The following ADAMTS13 variants were observed in gnomAD, a reference collection of about 807,000 sequenced individuals.
ADAMTS13 encodes the protein A disintegrin and metalloproteinase with thrombospondin motifs 13.
In ADAMTS13, 110 loss-of-function variants were observed where a neutral mutation model predicts 155.1. That is an observed-to-expected ratio of 0.71 (90% confidence interval 0.61 to 0.83). ADAMTS13 has a LOEUF of 0.83. ADAMTS13 is among the 40% of genes least tolerant of loss of function. The pLI is 0.00. For missense variants in ADAMTS13, 1,707 were observed against 1,891.7 expected (o/e 0.90, Z 1.81); for synonymous variants, 758 against 756.4 (o/e 1.00, Z -0.03).
At chr9:133,429,314 C>T (rs1840543438) in intron 7 of ADAMTS13, among the ~76,000 whole-genome samples, 1 of 145,108 alleles carries the variant, frequency 6.9e-6, no homozygotes, top group Admixed American at 6.8e-5. Flanking sequence ...TCCCTCGCCC[C>T]CTTGCGCCCA....
At chr9:133,432,409 C>T (rs1169307499) in intron 8 of ADAMTS13, among the ~76,000 whole-genome samples, 179 bp from the exon 9 acceptor site, 1 of 152,236 alleles carries the variant, frequency 6.6e-6, no homozygotes, top group Admixed American at 6.5e-5. Flanking sequence ...TGGTCATGGT[C>T]CCGGTTCCCC....
At chr9:133,417,422 ATTCT>A (rs1335035667), upstream of ADAMTS13, among the ~76,000 whole-genome samples, 1 of 152,240 alleles carries the variant, frequency 6.6e-6, no homozygotes, top group African/African-American at 2.4e-5. Context: ...ACTTGAAATA[ATTCT>A]TTCATCAATT....
intron 8 of ADAMTS13, among the ~76,000 whole-genome samples, chr9:133,431,073 C>T (rs587714967): frequency 6.6e-6 from 1 of 151,918 alleles, no homozygotes; most frequent in South Asian, 2.1e-4. Flanking sequence ...ACAAACGATC[C>T]TCCCACCTCG....
At chr9:133,442,825 G>A (rs1841777171) in intron 18 of ADAMTS13, 82 bp downstream of exon 18, 1 of 1,509,852 alleles carries the variant, frequency 6.6e-7, no homozygotes, top group African/African-American at 1.4e-5. Flanking sequence ...TGGCCTATGG[G>A]GCCCATGTGG....
At chr9:133,457,685 T>C (rs1339234686) in intron 27 of ADAMTS13, among the ~76,000 whole-genome samples, 1 of 152,244 alleles carries the variant, frequency 6.6e-6, no homozygotes, top group East Asian at 1.9e-4. Context: ...ATGCCATTGT[T>C]TCCTTCAGTT....
intron 6 of ADAMTS13, among the ~76,000 whole-genome samples, chr9:133,426,899 G>A (rs1840319501): frequency 6.6e-6 from 1 of 151,966 alleles, no homozygotes. Context: ...CACCTCCTGG[G>A]TGCAAGTGAT....
rs587769625 is a variant in ADAMTS13 at position 133,425,390 on chromosome 9, C to A, written c.331-139C>A. The A allele has an allele frequency of 4.3e-6, 3 of 690,444 alleles. No homozygotes were observed. The highest frequency in any genetic ancestry group is 7.4e-6 in the Non-Finnish European group (3 of 403,634). The allele number at this position is 690,444 out of a possible 1,614,324, so 42.8% of individuals were successfully genotyped here. ...TGTGCAGCACATTTTAGGAGCCCCCCGCCCCGCCCGGTTCCCACACATGCT... is the reference window on the plus strand; with the variant it reads ...TGTGCAGCACATTTTAGGAGCCCCCAGCCCCGCCCGGTTCCCACACATGCT... On this transcript the variant is annotated intron_variant, in intron 3 of 28. Coordinates refer to ENST00000355699, the MANE Select transcript of ADAMTS13 (RefSeq NM_139027.6). This position sits in a 1 kb window ranked among gnomAD's most constrained non-coding sequence, Gnocchi z 4.6.
upstream of ADAMTS13, chr9:133,417,991 A>T (rs1839782530): frequency 4.2e-6 from 3 of 707,064 alleles, no homozygotes; most frequent in East Asian, 5.4e-5. Flanking sequence ...TCCGGAAGAG[A>T]CCCCGCACGC....
Position 133,454,745 on chromosome 9 carries a change from G to T in ADAMTS13, c.3249+126G>T, listed in dbSNP as rs933688955. ...CCCCTGAAAGGAAGGAGAGAGCTGC[G>T]CCCGTTGGTGAGGGGGCACCTAGAG... On this transcript the variant is annotated intron_variant, in intron 24 of 28. Coordinates refer to ENST00000355699, the MANE Select transcript of ADAMTS13 (RefSeq NM_139027.6). 39 of 1,240,052 alleles carry T rather than the reference G, an allele frequency of 3.1e-5. 1 individual carries two copies. The South Asian group carries it at 5.4e-4, about 17-fold the overall frequency. 76.8% of individuals were successfully genotyped at this position (1,240,052 alleles called of 1,614,324 possible).
At chr9:133,420,528 A>G (rs1839912654), upstream of ADAMTS13, among the ~76,000 whole-genome samples, 1 of 152,254 alleles carries the variant, frequency 6.6e-6, no homozygotes, top group Non-Finnish European at 1.5e-5. Context: ...TATGCAAATG[A>G]GGAAGGCACA....
intron 21 of ADAMTS13, among the ~76,000 whole-genome samples, chr9:133,446,515 T>C (rs2130897850): frequency 6.6e-6 from 1 of 152,370 alleles, no homozygotes; most frequent in African/African-American, 2.4e-5. Flanking sequence ...AGTGTTTCCT[T>C]CTTAAGGCTG....
chr9:133,439,260 C>T, intron 14 of ADAMTS13, 106 bp from the exon 15 acceptor site: 1 of 890,642 alleles, frequency 1.1e-6, no homozygotes, highest in Non-Finnish European at 1.9e-6. Context: ...TGGAGCCAGC[C>T]CCATGGCATT....
intron 6 of ADAMTS13, among the ~76,000 whole-genome samples, chr9:133,426,833 C>T (rs1452609050): frequency 6.7e-6 from 1 of 149,230 alleles, no homozygotes; most frequent in Non-Finnish European, 1.5e-5. Flanking sequence ...GATGAAGTTT[C>T]GCTCTTGTTG....
At chr9:133,457,532 G>A (rs988595066) in intron 27 of ADAMTS13, among the ~76,000 whole-genome samples, 2 of 152,276 alleles carry the variant, frequency 1.3e-5, no homozygotes, top group African/African-American at 4.8e-5. Flanking sequence ...GGTGCAGGAG[G>A]TACAGGCAGG....
intron 27 of ADAMTS13, chr9:133,457,087 T>C (rs1842794623): frequency 2.6e-6 from 1 of 383,956 alleles, no homozygotes; most frequent in Admixed American, 3.7e-5. Context: ...CCTGTTTCAG[T>C]GCACTGGTGT....
chr9:133,428,752 C>T lies in ADAMTS13; in HGVS notation c.805C>T (p.Gln269Ter). 7.4e-7 allele frequency: 1 copy of T among 1,356,614 alleles called. No homozygotes were observed. 84.0% of individuals were successfully genotyped at this position (1,356,614 alleles called of 1,614,324 possible). A position where few individuals can be genotyped will look rare whatever the true frequency, so the allele number is the denominator to read the frequency against. Residue 269 changes from glutamine (Q) to a stop codon, truncating the protein, a stop_gained, in exon 7 of 29, where the codon CAG becomes TAG. Transcript: ENST00000355699. LOFTEE classifies it high-confidence loss of function. ...CGCCTGGTCCCCCTGCAGCCGCCGG[C>T]AGCTGCTGAGCCTGCTCAGGTAGCG... is the stretch of plus-strand genomic sequence containing the variant. Reference protein sequence around the residue: ...GLAWSPCSRRQLLSLLSAGRA... With the variant: ...GLAWSPCSRR
chr9:133,454,491 C>T lies in ADAMTS13; in HGVS notation c.3121C>T (p.Gln1041Ter). Reference sequence around the variant, plus strand: ...TGCTAGACGCTCGGTGGCCTGTGTGCAGCTCGACCAAGGCCAGGACGTGGA... The same window carrying T: ...TGCTAGACGCTCGGTGGCCTGTGTGTAGCTCGACCAAGGCCAGGACGTGGA... ...GTARRSVACV[Q>*]LDQGQDVEVD... Residue 1041 changes from glutamine (Q) to a stop codon, truncating the protein, a stop_gained, in exon 24 of 29, where the codon CAG (glutamine) becomes TAG (stop). Transcript: ENST00000355699. LOFTEE classifies it high-confidence loss of function. 1 of 1,612,934 alleles carries T rather than the reference C, an allele frequency of 6.2e-7. No homozygotes were observed.
intron 11 of ADAMTS13, 24 bp downstream of exon 11, chr9:133,433,728 A>AG (rs1203592273): frequency 1.9e-6 from 3 of 1,610,962 alleles, no homozygotes; most frequent in East Asian, 4.5e-5. Flanking sequence ...CTGGGGTAGG[A>AG]GGGGGCAGCT....
intron 16 of ADAMTS13, among the ~76,000 whole-genome samples, chr9:133,442,025 G>A (rs1243778785): frequency 2.0e-5 from 3 of 152,176 alleles, no homozygotes; most frequent in African/African-American, 7.2e-5. Flanking sequence ...CCAACCCACT[G>A]AGAGCTCCTT....
Sources: gnomAD v4.1 joint callset for allele counts (sites outside exome capture counted in the v4.1 genomes callset) on GRCh38, gnomAD v4.1.1 for gene constraint, Gnocchi (gnomAD v3.1) non-coding constraint, MANE v1.5 for transcripts, NCBI Gene and HGNC (gene_info 2026-07-23, HGNC 2026-07-21) for gene names.